The following CDR2 variants were observed in gnomAD, a reference collection of about 807,000 sequenced individuals.
CDR2 encodes cerebellar degeneration related protein 2.
A neutral mutation model predicts 48.4 loss-of-function variants in CDR2; 34 were observed. The ratio of observed to expected loss-of-function variants is 0.70; its 90% CI spans 0.53 to 0.94. The LOEUF (loss-of-function observed/expected upper bound fraction) is 0.94, where lower values mean the gene tolerates loss of function less well. Ranked by LOEUF, CDR2 falls within the 40% of genes least tolerant of loss-of-function variation. CDR2 has a pLI of 0.00. For synonymous variants in CDR2, 240 were observed against 219.7 expected (o/e 1.09, Z -0.82); for missense variants, 498 against 549.5 (o/e 0.91, Z 0.94).
intron 1 of CDR2, among the ~76,000 whole-genome samples, chr16:22,371,059 A>C (rs1207711362): frequency 3.9e-5 from 6 of 152,088 alleles, no homozygotes; most frequent in Admixed American, 3.9e-4. Flanking sequence ...AAAAATACAA[A>C]AATTAGCTGG....
At chr16:22,363,672 G>A (rs2049025925) in intron 2 of CDR2, among the ~76,000 whole-genome samples, 1 of 152,072 alleles carries the variant, frequency 6.6e-6, no homozygotes, top group Admixed American at 6.6e-5. Context: ...CAAAAGTCCT[G>A]GGTCTACTGT....
intron 1 of CDR2, among the ~76,000 whole-genome samples, chr16:22,370,290 A>G (rs550322758): frequency 6.6e-6 from 1 of 152,230 alleles, no homozygotes; most frequent in Non-Finnish European, 1.5e-5. Context: ...AAACCTGAAT[A>G]TAAATATCAA....
intron 2 of CDR2, among the ~76,000 whole-genome samples, chr16:22,355,068 A>G (rs1439152734): frequency 6.6e-6 from 1 of 152,220 alleles, no homozygotes; most frequent in Non-Finnish European, 1.5e-5. Context: ...CAATCATTTT[A>G]AAGCTAATCC....
chr16:22,359,011 T>G (rs1334971975), intron 2 of CDR2, among the ~76,000 whole-genome samples: 1 of 152,246 alleles, frequency 6.6e-6, no homozygotes, highest in African/African-American at 2.4e-5. Context: ...CATGGTTATC[T>G]CAGTTTAGAT....
intron 2 of CDR2, among the ~76,000 whole-genome samples, chr16:22,358,098 C>T (rs1184957506): frequency 6.6e-6 from 1 of 152,172 alleles, no homozygotes; most frequent in East Asian, 1.9e-4. Context: ...TAAGTACGTA[C>T]TGATGTAAGG....
intron 2 of CDR2, among the ~76,000 whole-genome samples, chr16:22,360,737 A>ATT (rs1192868901): frequency 5.7e-5 from 6 of 104,352 alleles, no homozygotes; most frequent in African/African-American, 1.8e-4. Flanking sequence ...TAAAAAAATG[A>ATT]TCTTTTTTTT....
chr16:22,374,082 G>A (rs1240273658), intron 1 of CDR2, 149 bp downstream of exon 1: 8 of 533,532 alleles, frequency 1.5e-5, no homozygotes, highest in South Asian at 1.1e-4. Flanking sequence ...CGGGATCCGC[G>A]GGCACGGCCG....
At position 22,374,558 on chromosome 16, in the gene CDR2, C is replaced by T. The variant is rs1243930279; in HGVS notation, c.-249G>A. ...GCATTACGGTGCGAACGCCTGGAGCCGGAGTCTCACGCAGCCGCCAGTCTT... is the reference window on the plus strand; with the variant it reads ...GCATTACGGTGCGAACGCCTGGAGCTGGAGTCTCACGCAGCCGCCAGTCTT... On this transcript the variant is annotated 5_prime_UTR_variant, in exon 1 of 5. Coordinates refer to ENST00000268383, the MANE Select transcript of CDR2 (RefSeq NM_001802.2). The T allele has an allele frequency of 1.0e-5, 2 of 190,536 alleles. No homozygotes were observed. The highest frequency in any genetic ancestry group is 1.8e-3 in the Middle Eastern group (1 of 548). 11.8% of individuals were successfully genotyped at this position (190,536 alleles called of 1,614,324 possible). A position where few individuals can be genotyped will look rare whatever the true frequency, so the allele number is the denominator to read the frequency against.
intron 4 of CDR2, 30 bp from the exon 5 acceptor site, chr16:22,347,853 T>TA (rs2048917927): frequency 6.4e-7 from 1 of 1,558,740 alleles, no homozygotes. Context: ...AAGAATATAT[T>TA]ACACAGGTCC....
At chr16:22,358,876 GATTT>G (rs2048993581) in intron 2 of CDR2, among the ~76,000 whole-genome samples, 2 of 152,116 alleles carry the variant, frequency 1.3e-5, no homozygotes, top group South Asian at 2.1e-4. Flanking sequence ...AATTCTGGAA[GATTT>G]ATTTTTTCAG....
rs569116760 is a variant in CDR2, at chr16:22,371,485, G to GGA, written c.79+2744_79+2745dup. The stretch of plus-strand genomic sequence containing the variant: ...AGATTCCTGGAACATTCACTCTATG[G>GGA]GAGTAGGAATCCTACCTATCCACTC... On this transcript the variant is annotated intron_variant, in intron 1 of 4. Transcript: ENST00000268383. Among the ~76,000 whole-genome samples the GGA allele has an allele frequency of 2.0e-5, 3 of 152,332 alleles. No homozygotes were observed. The South Asian group carries it at 6.2e-4, about 32-fold the overall frequency.
At chr16:22,356,738 A>T (rs1378995121) in intron 2 of CDR2, among the ~76,000 whole-genome samples, 1 of 152,026 alleles carries the variant, frequency 6.6e-6, no homozygotes, top group African/African-American at 2.4e-5. Flanking sequence ...GGGGGACAAG[A>T]GCAAGACTTT....
intron 1 of CDR2, chr16:22,367,288 A>C (rs912884908): frequency 1.3e-5 from 2 of 152,436 alleles, no homozygotes; most frequent in Middle Eastern, 3.4e-3. Flanking sequence ...TCAGCCTCCC[A>C]AAATGTTGGG....
chr16:22,363,150 C>T (rs973004701), intron 2 of CDR2, among the ~76,000 whole-genome samples: 1 of 152,006 alleles, frequency 6.6e-6, no homozygotes, highest in African/African-American at 2.4e-5. Flanking sequence ...CCACATTGGC[C>T]AGACTGGTCT....
At chr16:22,368,074 G>GC (rs1311614839) in intron 1 of CDR2, among the ~76,000 whole-genome samples, 1 of 151,840 alleles carries the variant, frequency 6.6e-6, no homozygotes, top group Non-Finnish European at 1.5e-5. Flanking sequence ...ATACAGTGAG[G>GC]CCCTGTCTCA....
intron 2 of CDR2, among the ~76,000 whole-genome samples, chr16:22,361,759 G>C (rs1201564457): frequency 2.0e-5 from 3 of 152,162 alleles, no homozygotes; most frequent in Admixed American, 2.0e-4. Context: ...TTTGGATAAA[G>C]AGTAAAATAC....
intron 2 of CDR2, among the ~76,000 whole-genome samples, chr16:22,353,782 G>C (rs2048957341): frequency 6.6e-6 from 1 of 152,160 alleles, no homozygotes; most frequent in African/African-American, 2.4e-5. Flanking sequence ...CCACCTCTGA[G>C]AATGACTCAT....
intron 2 of CDR2, among the ~76,000 whole-genome samples, chr16:22,361,897 C>CTT (rs11303236): frequency 1.8e-4 from 12 of 68,130 alleles, no homozygotes; most frequent in South Asian, 5.6e-4. Flanking sequence ...GAATTTTATA[C>CTT]TTTTTTTTTT....
At chr16:22,371,094 C>G (rs931823427) in intron 1 of CDR2, among the ~76,000 whole-genome samples, 1 of 152,042 alleles carries the variant, frequency 6.6e-6, no homozygotes, top group Non-Finnish European at 1.5e-5. Context: ...GTCTGTAATC[C>G]CAGCTACTTG....
Sources: allele counts gnomAD v4.1 joint callset (sites outside exome capture counted in the v4.1 genomes callset), GRCh38; gene constraint gnomAD v4.1.1; transcripts MANE v1.5; gene names NCBI Gene and HGNC (gene_info 2026-07-23, HGNC 2026-07-21).